TIMD4: variants seen among roughly 807,000 people sequenced by gnomAD.
The protein encoded by TIMD4 is T cell immunoglobulin and mucin domain containing 4, also known as T-cell immunoglobulin and mucin domain-containing protein 4.
TIMD4 carries 31 observed loss-of-function variants against 41.2 expected under a neutral mutation model. The ratio of observed to expected loss-of-function variants is 0.75; its 90% CI spans 0.57 to 1.01. The LOEUF (loss-of-function observed/expected upper bound fraction) is 1.01, where lower values mean the gene tolerates loss of function less well. TIMD4 is among the 50% of genes least tolerant of loss of function. The probability of loss-of-function intolerance (pLI) is 0.00; values close to 1 mark genes in which losing one functional copy is unlikely to be tolerated. For missense variants in TIMD4, 479 were observed against 472.5 expected, an observed-to-expected ratio of 1.01 and a Z score of -0.13; for synonymous variants, 204 against 177.1, an observed-to-expected ratio of 1.15 and a Z score of -1.21.
chr5:156,920,466 T>C lies in TIMD4; in HGVS notation c.1050A>G (p.Thr350=), dbSNP rs756063971. ...CCCATTCATGCAAGATAGATTACCT[T>C]GTGTGTTTCTGCGAACAATAGGTTT... ...LMETYCSQKH[T]RLDYIGDSKN... Residue 350 remains threonine, a splice_region_variant and synonymous_variant, in exon 8 of 9, where the codon ACA becomes ACG. Coordinates refer to ENST00000274532, the MANE Select transcript of TIMD4 (RefSeq NM_138379.3). 16 of 1,613,902 alleles carry C rather than the reference T, an allele frequency of 9.9e-6. No individual in the cohort carries two copies. Among genetic ancestry groups the C allele is most frequent in the Non-Finnish European group, 1.7e-6 (2 of 1,179,910 alleles).
At chr5:156,949,537 G>T (rs1241252637) in intron 4 of TIMD4, 114 bp downstream of exon 4, 5 of 847,760 alleles carry the variant, frequency 5.9e-6, no homozygotes, top group East Asian at 3.0e-5. Flanking sequence ...GGGATTTTAT[G>T]GCACAAAAGA....
intron 4 of TIMD4, 97 bp from the exon 5 acceptor site, chr5:156,948,596 GAAAAC>G (rs1051957282): frequency 5.1e-5 from 34 of 668,604 alleles, no homozygotes; most frequent in Middle Eastern, 3.4e-4. Context: ...TTCTGTCATT[GAAAAC>G]AAAACAAAAC....
rs944818565 is a variant in TIMD4 at position 156,922,244 on chromosome 5, C to G, written c.895-28G>C. ...GATGGGACACAGGCAAGGAGATGGA[C>G]CCAGTCACTGCTAGATGCCACCCTC... On this transcript the variant is annotated intron_variant, in intron 6 of 8. Coordinates refer to ENST00000274532, the MANE Select transcript of TIMD4 (RefSeq NM_138379.3). 3 of 1,551,238 alleles carry G rather than the reference C, an allele frequency of 1.9e-6. No homozygotes were observed. In the African/African-American group the frequency reaches 4.1e-5, roughly 21 times the overall value.
At position 156,948,448 on chromosome 5, in the gene TIMD4, G is replaced by A. The variant is rs775079573; in HGVS notation, c.812C>T (p.Thr271Met). The A allele has an allele frequency of 9.7e-6, 15 of 1,551,878 alleles. No homozygotes were observed. The highest frequency in any genetic ancestry group is 4.8e-5 in the East Asian group (2 of 41,770). Residue 271 changes from threonine (T) to methionine (M), a missense_variant, in exon 5 of 9, where the codon ACG (threonine) becomes ATG (methionine). Physicochemically the swap from Thr to Met is moderately conservative, Grantham distance 81. Coordinates refer to ENST00000274532, the MANE Select transcript of TIMD4 (RefSeq NM_138379.3). ...PSTSHVSMWK[T>M]SDSVSSPQPG... is the part of the protein sequence containing the mutation. The stretch of plus-strand genomic sequence containing the variant: ...CTGAGGAGAAGACACAGAATCACTC[G>A]TTTTCCACATTGACACGTGGGATGT...
chr5:156,954,408 T>G lies in TIMD4; in HGVS notation c.400+7A>C, dbSNP rs756535305. Reference sequence around the variant, plus strand: ...TTCCGCAGGCATGAGGCCCTTCGTGTGCTTACCTCTCTGTAGATTCAGGCG... The same window carrying G: ...TTCCGCAGGCATGAGGCCCTTCGTGGGCTTACCTCTCTGTAGATTCAGGCG... On this transcript the variant is annotated splice_region_variant and intron_variant, in intron 2 of 8. Coordinates refer to ENST00000274532, the MANE Select transcript of TIMD4 (RefSeq NM_138379.3). 6.2e-7 allele frequency: 1 copy of G among 1,610,056 alleles called. No individual in the cohort carries two copies. The highest frequency in any genetic ancestry group is 1.1e-5 in the South Asian group (1 of 90,196).
chr5:156,931,928 C>G (rs935889931), intron 5 of TIMD4, among the ~76,000 whole-genome samples: 6 of 147,404 alleles, frequency 4.1e-5, no homozygotes, highest in Non-Finnish European at 7.4e-5. Flanking sequence ...TCCTTTTTAA[C>G]CTTTCTAATT....
At chr5:156,947,170 C>G (rs1467024687) in intron 5 of TIMD4, among the ~76,000 whole-genome samples, 1 of 151,648 alleles carries the variant, frequency 6.6e-6, no homozygotes, top group African/African-American at 2.4e-5. Flanking sequence ...TGCACTCCAA[C>G]TTGGGCTACA....
Position 156,922,207 on chromosome 5 carries a change from T to C in TIMD4, c.904A>G (p.Ile302Val), listed in dbSNP as rs1206401386. 8.1e-6 allele frequency: 13 copies of C among 1,613,358 alleles called. No homozygotes were observed. Among genetic ancestry groups the C allele is most frequent in the Non-Finnish European group, 1.1e-5 (13 of 1,179,536 alleles). ...ATTTCATTCTTCATTGACATGGGTATTCCATCCATCTGATGGGACACAGGC... is the reference window on the plus strand; with the variant it reads ...ATTTCATTCTTCATTGACATGGGTACTCCATCCATCTGATGGGACACAGGC... The part of the protein sequence containing the change: ...KTTKTGQMDG[I>V]PMSMKNEMPI... The change falls in exon 7 of 9, where the codon ATA becomes GTA. Residue 302 changes from isoleucine to valine, a missense_variant. Physicochemically the swap from Ile to Val is conservative, Grantham distance 29. Coordinates refer to ENST00000274532, the MANE Select transcript of TIMD4 (RefSeq NM_138379.3).
At chr5:156,955,036 C>T (rs902043991) in intron 1 of TIMD4, among the ~76,000 whole-genome samples, 3 of 152,002 alleles carry the variant, frequency 2.0e-5, no homozygotes, top group Non-Finnish European at 2.9e-5. Flanking sequence ...TGGCAGCATT[C>T]CCAGCTAATT....
rs75458777 is a variant in TIMD4, at chr5:156,962,081, G to A, written c.58+1060C>T. ...GTCACTGGAGTCTACAAAGGATAGG[G>A]GAAAAGGGGTATGAAGAAAGGCAGG... On this transcript the variant is annotated intron_variant, in intron 1 of 8. Coordinates refer to ENST00000274532, the MANE Select transcript of TIMD4 (RefSeq NM_138379.3). 3.6e-3 allele frequency among the ~76,000 whole-genome samples: 545 copies of A among 152,094 alleles called. 4 individuals carry two copies. The highest frequency in any genetic ancestry group is 0.013 in the African/African-American group (530 of 41,514).
At chr5:156,953,674 A>AAAG (rs1554084030) in intron 2 of TIMD4, among the ~76,000 whole-genome samples, 10 of 148,844 alleles carry the variant, frequency 6.7e-5, no homozygotes, top group East Asian at 1.9e-4. Flanking sequence ...AAAAAAAAAA[A>AAAG]AGAGAGAGAG....
intron 2 of TIMD4, 21 bp from the exon 3 acceptor site, chr5:156,951,811 G>A (rs748530968): frequency 6.2e-7 from 1 of 1,612,696 alleles, no homozygotes; most frequent in South Asian, 1.1e-5. Flanking sequence ...CAACAGACAT[G>A]TTTGGCACCA....
At chr5:156,941,972 G>A (rs1581622628) in intron 5 of TIMD4, among the ~76,000 whole-genome samples, 1 of 152,112 alleles carries the variant, frequency 6.6e-6, no homozygotes, top group Admixed American at 6.5e-5. Flanking sequence ...AAAAGATACA[G>A]TAATAGAAAA....
Position 156,934,689 on chromosome 5 carries a change from A to C in TIMD4, c.845-8377T>G, listed in dbSNP as rs567891986. Among the ~76,000 whole-genome samples the C allele has an allele frequency of 4.5e-4, 69 of 152,306 alleles. 2 individuals are homozygous for C. The South Asian group carries it at 0.013, about 28-fold the overall frequency. On this transcript the variant is annotated intron_variant, in intron 5 of 8. Coordinates refer to ENST00000274532, the MANE Select transcript of TIMD4 (RefSeq NM_138379.3). Reference sequence around the variant, plus strand: ...TGCCCAAGGTGACACAAACAAAGGAAATTTGAACCCAACTCTGAATGACTC... The same window carrying C: ...TGCCCAAGGTGACACAAACAAAGGACATTTGAACCCAACTCTGAATGACTC...
At chr5:156,943,669 C>T (rs1759686282) in intron 5 of TIMD4, among the ~76,000 whole-genome samples, 1 of 152,152 alleles carries the variant, frequency 6.6e-6, no homozygotes, top group Admixed American at 6.5e-5. Flanking sequence ...TTTTTATGCC[C>T]TGGCTTTGGA....
At position 156,939,120 on chromosome 5, in the gene TIMD4, G is replaced by A. The variant is rs558863978; in HGVS notation, c.844+9296C>T. On this transcript the variant is annotated intron_variant, in intron 5 of 8. Transcript: ENST00000274532. Reference sequence around the variant, plus strand: ...AATATCTTTAGGTGATTATACAGGAGCTTCCATTATCCCTCCTGTGCTAAT... The same window carrying A: ...AATATCTTTAGGTGATTATACAGGAACTTCCATTATCCCTCCTGTGCTAAT... Among the ~76,000 whole-genome samples, 5 of 152,158 alleles carry A rather than the reference G, an allele frequency of 3.3e-5. No homozygotes were observed. The South Asian group carries it at 1.0e-3, about 32-fold the overall frequency.
rs899278749 is a variant in TIMD4 at position 156,954,827 on chromosome 5, G to T, written c.59-71C>A. 5.7e-6 allele frequency: 7 copies of T among 1,231,486 alleles called. No individual in the cohort carries two copies. The African/African-American group carries it at 7.6e-5, about 13-fold the overall frequency. The allele number at this position is 1,231,486 out of a possible 1,614,324, so 76.3% of individuals were successfully genotyped here. Reference sequence around the variant, plus strand: ...CTCAAACATGCTACACAGTTTTTGTGCTAATAGATGCTTCCAGGAAGATGA... The same window carrying T: ...CTCAAACATGCTACACAGTTTTTGTTCTAATAGATGCTTCCAGGAAGATGA... On this transcript the variant is annotated intron_variant, in intron 1 of 8. Coordinates refer to ENST00000274532, the MANE Select transcript of TIMD4 (RefSeq NM_138379.3).
At chr5:156,923,167 GAC>G (rs1759282460) in intron 6 of TIMD4, among the ~76,000 whole-genome samples, 1 of 72,718 alleles carries the variant, frequency 1.4e-5, no homozygotes, top group Admixed American at 1.5e-4. Flanking sequence ...TTTTTTTTTT[GAC>G]ACAGAGTCTC....
At position 156,920,450 on chromosome 5, in the gene TIMD4, G is replaced by A; in HGVS notation, c.1052+14C>T. The A allele has an allele frequency of 6.2e-7, 1 of 1,613,602 alleles. No individual in the cohort carries two copies. Among genetic ancestry groups the A allele is most frequent in the Non-Finnish European group, 8.5e-7 (1 of 1,179,538 alleles). On this transcript the variant is annotated intron_variant, in intron 8 of 8. Transcript: ENST00000274532. ...TACAATCATTACAACACCCATTCAT[G>A]CAAGATAGATTACCTTGTGTGTTTC...
Sources: allele counts gnomAD v4.1 joint callset (sites outside exome capture counted in the v4.1 genomes callset), GRCh38; gene constraint gnomAD v4.1.1; transcripts MANE v1.5; gene names NCBI Gene and HGNC (gene_info 2026-07-23, HGNC 2026-07-21).